DMXL2: variants seen among roughly 807,000 people sequenced by gnomAD.
The protein encoded by DMXL2 is dmX-like protein 2.
DMXL2 carries 103 observed loss-of-function variants against 331.1 expected under a neutral mutation model. That is an observed-to-expected ratio of 0.31 (90% CI 0.27 to 0.37). The LOEUF (loss-of-function observed/expected upper bound fraction) is 0.37, where lower values mean the gene tolerates loss of function less well. Ranked by LOEUF, DMXL2 falls within the 10% of genes least tolerant of loss-of-function variation. The pLI is 1.00. For missense variants in DMXL2, 3,171 were observed against 3,642.9 expected (o/e 0.87, Z 3.33); for synonymous variants, 1,281 against 1,252.1 (o/e 1.02, Z -0.49).
At chr15:51,564,643 T>C (rs778001099) in intron 4 of DMXL2, among the ~76,000 whole-genome samples, 3 of 152,092 alleles carry the variant, frequency 2.0e-5, no homozygotes, top group South Asian at 4.1e-4. Flanking sequence ...GTTTTACACA[T>C]GAAATATAAA....
At position 51,615,723 on chromosome 15, in the gene DMXL2, C is replaced by T. The variant is rs538020852; in HGVS notation, c.87+6736G>A. On this transcript the variant is annotated intron_variant, in intron 1 of 43. Coordinates refer to ENST00000560891, the MANE Select transcript of DMXL2 (RefSeq NM_001378457.1). ...AGGTACATGATGATAATATGATTACCTCCTGCTGATTAGATCCTCTTAAGT... is the reference window on the plus strand; with the variant it reads ...AGGTACATGATGATAATATGATTACTTCCTGCTGATTAGATCCTCTTAAGT... 2.0e-5 allele frequency among the ~76,000 whole-genome samples: 3 copies of T among 152,278 alleles called. No individual in the cohort carries two copies. In the South Asian group the frequency reaches 6.2e-4, roughly 32 times the overall value.
intron 22 of DMXL2, 127 bp from the exon 23 acceptor site, chr15:51,486,464 GTAGT>G (rs896771623): frequency 5.7e-6 from 4 of 706,988 alleles, no homozygotes; most frequent in Non-Finnish European, 6.8e-6. Context: ...ACAGTGAAGG[GTAGT>G]TAAATGATTG....
chr15:51,456,008 C>T (rs1234539745), intron 39 of DMXL2, 58 bp downstream of exon 39: 23 of 1,591,202 alleles, frequency 1.4e-5, no homozygotes, highest in African/African-American at 2.7e-5. Context: ...TTATCACTTA[C>T]TCCTAAATAT....
intron 1 of DMXL2, among the ~76,000 whole-genome samples, chr15:51,576,719 A>C (rs1487819313): frequency 6.6e-6 from 1 of 152,216 alleles, no homozygotes; most frequent in East Asian, 1.9e-4. Context: ...TAAATGCATC[A>C]AGACTCAAAT....
At chr15:51,455,130 G>A in intron 40 of DMXL2, 21 bp downstream of exon 40, 1 of 1,593,372 alleles carries the variant, frequency 6.3e-7, no homozygotes, top group Non-Finnish European at 8.6e-7. Context: ...ATGCGCCCTG[G>A]GAACATTTAG....
chr15:51,470,147 T>C (rs2040964402), intron 29 of DMXL2, among the ~76,000 whole-genome samples: 1 of 152,138 alleles, frequency 6.6e-6, no homozygotes, highest in African/African-American at 2.4e-5. Flanking sequence ...CCAAAGTCTT[T>C]TTTTTTGAGA....
intron 17 of DMXL2, among the ~76,000 whole-genome samples, chr15:51,500,833 T>C (rs996677416): frequency 6.6e-6 from 1 of 152,168 alleles, no homozygotes; most frequent in Non-Finnish European, 1.5e-5. Flanking sequence ...AGACTAACAA[T>C]GCACATCTGT....
intron 1 of DMXL2, among the ~76,000 whole-genome samples, chr15:51,616,209 C>T (rs890161169): frequency 1.3e-5 from 2 of 152,042 alleles, no homozygotes; most frequent in Non-Finnish European, 2.9e-5. Context: ...TTTAGAGGGG[C>T]CTAACTCTGT....
intron 6 of DMXL2, among the ~76,000 whole-genome samples, chr15:51,555,061 G>C (rs1322999199): frequency 1.3e-5 from 2 of 152,166 alleles, no homozygotes; most frequent in Non-Finnish European, 2.9e-5. Context: ...GGGAGGCTGA[G>C]GCACAAGAAT....
At chr15:51,572,313 AG>A (rs2050728774) in intron 2 of DMXL2, among the ~76,000 whole-genome samples, 2 of 148,508 alleles carry the variant, frequency 1.3e-5, no homozygotes, top group African/African-American at 2.5e-5. Flanking sequence ...AACCAAAAAA[AG>A]TCCAGGACCA....
intron 13 of DMXL2, among the ~76,000 whole-genome samples, chr15:51,533,169 G>A (rs1370647091): frequency 6.6e-6 from 1 of 152,010 alleles, no homozygotes; most frequent in African/African-American, 2.4e-5. Context: ...GGGAGATTGG[G>A]GACACTATTG....
At position 51,448,502 on chromosome 15, in the gene DMXL2, G is replaced by A. The variant is rs932134219; in HGVS notation, c.*482C>T. ...CTCACAGCAGAGAACTGGTCACTGC[G>A]CACTGCTCCACAGCTAAGAAAGTTT... On this transcript the variant is annotated 3_prime_UTR_variant, in exon 44 of 44. Coordinates refer to ENST00000560891, the MANE Select transcript of DMXL2 (RefSeq NM_001378457.1). 8.6e-5 allele frequency: 16 copies of A among 185,918 alleles called. No homozygotes were observed. The highest frequency in any genetic ancestry group is 2.2e-4 in the South Asian group (2 of 8,984). The allele number at this position is 185,918 out of a possible 1,614,324, so 11.5% of individuals were successfully genotyped here.
chr15:51,487,306 T>C (rs2042464635), intron 22 of DMXL2, among the ~76,000 whole-genome samples: 1 of 152,218 alleles, frequency 6.6e-6, no homozygotes, highest in Admixed American at 6.5e-5. Flanking sequence ...GTATCTGCCT[T>C]TCTGCACAGA....
intron 6 of DMXL2, among the ~76,000 whole-genome samples, chr15:51,554,445 A>G (rs1466390414): frequency 6.6e-6 from 1 of 152,226 alleles, no homozygotes; most frequent in Non-Finnish European, 1.5e-5. Context: ...AAATAAAATT[A>G]AAAAGGAAAA....
intron 11 of DMXL2, 41 bp from the exon 12 acceptor site, chr15:51,536,903 C>T: frequency 6.8e-7 from 1 of 1,477,176 alleles, no homozygotes; most frequent in Non-Finnish European, 9.1e-7. Context: ...AATAGTTTAC[C>T]TCCTCTCAAA....
chr15:51,518,912 A>G (rs2047186748), intron 13 of DMXL2, among the ~76,000 whole-genome samples: 2 of 152,236 alleles, frequency 1.3e-5, no homozygotes, highest in Non-Finnish European at 2.9e-5. Context: ...ACTGGAAATT[A>G]GAATGAAGTA....
intron 27 of DMXL2, 45 bp downstream of exon 27, chr15:51,476,544 T>C: frequency 1.3e-6 from 2 of 1,586,586 alleles, no homozygotes; most frequent in Non-Finnish European, 1.7e-6. Context: ...TAGGAAGAAA[T>C]TGCCAACTAG....
intron 1 of DMXL2, among the ~76,000 whole-genome samples, chr15:51,599,437 CAT>C (rs1491262603): frequency 2.0e-5 from 3 of 152,144 alleles, no homozygotes; most frequent in Non-Finnish European, 4.4e-5. Flanking sequence ...CAGACACACA[CAT>C]ATCTATTTTC....
intron 7 of DMXL2, among the ~76,000 whole-genome samples, chr15:51,546,981 T>C (rs79909437): frequency 0.012 from 1,763 of 152,224 alleles, 27 homozygotes; most frequent in East Asian, 0.026. Flanking sequence ...AACTACATTT[T>C]AGTTTCACAG....
Sources: gnomAD v4.1 joint callset for allele counts (sites outside exome capture counted in the v4.1 genomes callset) on GRCh38, gnomAD v4.1.1 for gene constraint, MANE v1.5 for transcripts, NCBI Gene and HGNC (gene_info 2026-07-23, HGNC 2026-07-21) for gene names.